VIT: variants seen among roughly 807,000 people sequenced by gnomAD.
VIT encodes the protein vitrin.
A neutral mutation model predicts 78.0 loss-of-function variants in VIT; 99 were observed. That is an observed-to-expected ratio of 1.27 (90% CI 1.08 to 1.50). VIT has a LOEUF of 1.50. Ranked by LOEUF, VIT falls within the 40% of genes most tolerant of loss-of-function variation. The pLI is 0.00. For synonymous variants in VIT, 374 were observed against 334.3 expected (o/e 1.12, Z -1.29); for missense variants, 1,126 against 875.3 (o/e 1.29, Z -3.61).
In VIT at chr2:36,787,160, T is replaced by C. The variant is rs1331792711; in HGVS notation, c.942T>C (p.Asp314=). The C allele has an allele frequency of 6.2e-7, 1 of 1,614,226 alleles. No individual in the cohort carries two copies. The highest frequency in any genetic ancestry group is 2.2e-5 in the East Asian group (1 of 44,890). The change falls in exon 12 of 16, where the codon GAT becomes GAC. Residue 314 remains aspartate, a synonymous_variant. Transcript: ENST00000379242. ...AAATTGACTTGTCGTTTTTAATTGA[T>C]GGGAGCACCAGCATTGGCAAACGGC... ...NCKIDLSFLI[D]GSTSIGKRRF...
chr2:36,780,186 A>G (rs1167805750), intron 9 of VIT, among the ~76,000 whole-genome samples: 1 of 152,238 alleles, frequency 6.6e-6, no homozygotes, highest in Non-Finnish European at 1.5e-5. Context: ...CGAAAGTGGC[A>G]TGAATATAAG....
At chr2:36,780,092 A>G (rs1040007929) in intron 9 of VIT, among the ~76,000 whole-genome samples, 2 of 152,206 alleles carry the variant, frequency 1.3e-5, no homozygotes, top group Admixed American at 1.3e-4. Flanking sequence ...AGTCCAAAAA[A>G]CACCAAGTCT....
chr2:36,809,640 A>C lies in VIT; in HGVS notation c.1903+655A>C, dbSNP rs960125938. Among the ~76,000 whole-genome samples the C allele has an allele frequency of 3.9e-5, 6 of 152,114 alleles. No individual in the cohort carries two copies. In the South Asian group the frequency reaches 6.2e-4, roughly 16 times the overall value. On this transcript the variant is annotated intron_variant, in intron 15 of 15. Transcript: ENST00000379242. ...GCCATGTTGGTCACGATGGTCTCGA[A>C]CTCCTGACAGGTGATCCTCCTGCCT... is the stretch of plus-strand genomic sequence containing the variant.
At chr2:36,803,895 T>C (rs1572571843) in intron 13 of VIT, among the ~76,000 whole-genome samples, 2 of 152,112 alleles carry the variant, frequency 1.3e-5, no homozygotes, top group Non-Finnish European at 1.5e-5. Flanking sequence ...CAAAATACTG[T>C]GTATAATTTC....
chr2:36,707,776 A>C (rs1182296440), intron 1 of VIT, among the ~76,000 whole-genome samples: 1 of 151,860 alleles, frequency 6.6e-6, no homozygotes, highest in Non-Finnish European at 1.5e-5. Flanking sequence ...GTGCATTCTT[A>C]GGAACCACCA....
At chr2:36,812,954 G>A (rs1441872152) in intron 15 of VIT, among the ~76,000 whole-genome samples, 4 of 142,874 alleles carry the variant, frequency 2.8e-5, no homozygotes, top group Middle Eastern at 3.6e-3. Flanking sequence ...TTATGCCTCT[G>A]AGGTTCAAGT....
Position 36,767,138 on chromosome 2 carries a change from A to G in VIT, c.532A>G (p.Thr178Ala), listed in dbSNP as rs928853423. ...TCAGAGGCCACCTATTCCAGGGACA[A>G]CTGCACAGCCGGTCACTCTGATGCA... ...AYQRPPIPGTTAQPVTLMQLL... is the reference protein window; with the variant it reads ...AYQRPPIPGTAAQPVTLMQLL... The change falls in exon 7 of 16, where the codon ACT becomes GCT. Residue 178 changes from threonine to alanine, a missense_variant. Coordinates refer to ENST00000379242, the MANE Select transcript of VIT (RefSeq NM_053276.4). 3.7e-6 allele frequency: 6 copies of G among 1,607,368 alleles called. No individual in the cohort carries two copies. The highest frequency in any genetic ancestry group is 5.1e-6 in the Non-Finnish European group (6 of 1,177,294).
At chr2:36,728,800 A>G (rs11896498) in intron 2 of VIT, among the ~76,000 whole-genome samples, 17,245 of 67,252 alleles carry the variant, frequency 0.26, 8,129 homozygotes, top group Admixed American at 0.48. Context: ...GCGACAGAGC[A>G]AGACTCCGTC....
intron 12 of VIT, among the ~76,000 whole-genome samples, chr2:36,790,383 A>C (rs1014584): frequency 0.72 from 109,665 of 152,056 alleles, 39,988 homozygotes; most frequent in East Asian, 0.99. Flanking sequence ...TTGGTTTCTG[A>C]TCCTTCATAA....
intron 15 of VIT, among the ~76,000 whole-genome samples, chr2:36,811,776 G>A (rs1027475880): frequency 2.6e-5 from 4 of 151,276 alleles, no homozygotes; most frequent in Admixed American, 6.6e-5. Context: ...GGGTTCAGGC[G>A]ATTCTCCTGC....
At chr2:36,805,269 A>G in intron 13 of VIT, among the ~76,000 whole-genome samples, 169 bp from the exon 14 acceptor site, 1 of 144,096 alleles carries the variant, frequency 6.9e-6, no homozygotes, top group East Asian at 2.3e-4. Context: ...GAACCACTTC[A>G]TTCCAGCCTG....
chr2:36,711,327 G>A (rs554117516), intron 1 of VIT, among the ~76,000 whole-genome samples: 2 of 152,058 alleles, frequency 1.3e-5, no homozygotes, highest in African/African-American at 4.8e-5. Flanking sequence ...TGAGTAATTT[G>A]CCCCTTATCT....
intron 1 of VIT, among the ~76,000 whole-genome samples, chr2:36,704,233 G>A (rs751666348): frequency 5.3e-5 from 8 of 152,084 alleles, no homozygotes; most frequent in Non-Finnish European, 1.2e-4. Context: ...GCCAGATTGG[G>A]CAGTTTATTA....
chr2:36,767,292 A>G lies in VIT; in HGVS notation c.679+7A>G. 2 of 1,541,742 alleles carry G rather than the reference A, an allele frequency of 1.3e-6. No individual in the cohort carries two copies. Among genetic ancestry groups the G allele is most frequent in the East Asian group, 2.4e-5 (1 of 42,176 alleles). On this transcript the variant is annotated splice_region_variant and intron_variant, in intron 7 of 15. Coordinates refer to ENST00000379242, the MANE Select transcript of VIT (RefSeq NM_053276.4). ...CACAGGAGCCAGGAGATGGGTCAGT[A>G]GGTAGACCATGTGTTGCTTTGTGCT... is the stretch of plus-strand genomic sequence containing the variant.
chr2:36,751,863 T>A (rs1668485758), intron 4 of VIT, among the ~76,000 whole-genome samples: 1 of 152,112 alleles, frequency 6.6e-6, no homozygotes, highest in African/African-American at 2.4e-5. Flanking sequence ...TAAATAAAAG[T>A]CTTAAGGGGA....
intron 10 of VIT, among the ~76,000 whole-genome samples, chr2:36,782,487 C>T (rs937161330): frequency 6.6e-6 from 1 of 152,154 alleles, no homozygotes. Context: ...CAGCCAAGCG[C>T]GAGCGAAGAC....
At chr2:36,793,231 G>C (rs573655019) in intron 12 of VIT, among the ~76,000 whole-genome samples, 53 of 152,288 alleles carry the variant, frequency 3.5e-4, no homozygotes, top group African/African-American at 1.2e-3. Context: ...ACTCCAGCAG[G>C]AAGAGGTTCA....
In VIT at chr2:36,796,110, TAAAA is replaced by T. The variant is rs149375506; in HGVS notation, c.1059-5176_1059-5173del. ...ACGAATTCATGAGATCATGACTGAT[TAAAA>T]AAAAAAAAAAAAAACATAGTGGGCA... On this transcript the variant is annotated intron_variant, in intron 12 of 15. Transcript: ENST00000379242. 3.1e-3 allele frequency among the ~76,000 whole-genome samples: 435 copies of T among 141,258 alleles called. 2 individuals carry two copies. The highest frequency in any genetic ancestry group is 3.6e-3 in the Non-Finnish European group (236 of 64,676). The allele number at this position is 141,258 out of a possible 152,430, so 92.7% of individuals were successfully genotyped here. A position where few individuals can be genotyped will look rare whatever the true frequency, so the allele number is the denominator to read the frequency against.
At chr2:36,813,180 TG>T (rs952168235) in intron 15 of VIT, among the ~76,000 whole-genome samples, 5 of 148,282 alleles carry the variant, frequency 3.4e-5, no homozygotes, top group African/African-American at 1.2e-4. Context: ...CCAGGCACGG[TG>T]GCTCATGCCT....
Sources: gnomAD v4.1 joint callset for allele counts (sites outside exome capture counted in the v4.1 genomes callset) on GRCh38, gnomAD v4.1.1 for gene constraint, MANE v1.5 for transcripts, NCBI Gene and HGNC (gene_info 2026-07-23, HGNC 2026-07-21) for gene names.